The following CYP24A1 variants were observed in gnomAD, a reference collection of about 807,000 sequenced individuals.
The protein encoded by CYP24A1 is cytochrome P450 family 24 subfamily A member 1, also known as 1,25-dihydroxyvitamin D(3) 24-hydroxylase, mitochondrial.
In CYP24A1, 68 loss-of-function variants were observed where a neutral mutation model predicts 62.4. That is an observed-to-expected ratio of 1.09 (90% CI 0.90 to 1.33). The LOEUF is 1.33. Ranked by LOEUF, CYP24A1 falls within the 40% of genes most tolerant of loss-of-function variation. The probability of loss-of-function intolerance (pLI) is 0.00; values close to 1 mark genes in which losing one functional copy is unlikely to be tolerated. For synonymous variants in CYP24A1, 267 were observed against 253.0 expected (o/e 1.06, Z -0.52); for missense variants, 787 against 653.0 (o/e 1.21, Z -2.24).
chr20:54,155,906 C>T (rs1229520128), intron 11 of CYP24A1, among the ~76,000 whole-genome samples: 3 of 131,346 alleles, frequency 2.3e-5, no homozygotes, highest in African/African-American at 3.4e-5. Context: ...TGCTATTTGG[C>T]TTATGTTATT....
intron 6 of CYP24A1, among the ~76,000 whole-genome samples, chr20:54,163,614 G>A (rs1348298710): frequency 6.6e-6 from 1 of 152,186 alleles, no homozygotes; most frequent in Non-Finnish European, 1.5e-5. Flanking sequence ...CTAATAAAAG[G>A]ACCTACCTTA....
the CYP24A1 span, among the ~76,000 whole-genome samples, chr20:54,146,164 T>C: frequency 1.3e-5 from 2 of 152,230 alleles, no homozygotes; most frequent in Non-Finnish European, 2.9e-5. Flanking sequence ...ATGTAAGTTA[T>C]TCTTATTACA....
chr20:54,157,740 C>T (rs1364662865), intron 9 of CYP24A1, among the ~76,000 whole-genome samples, 155 bp from the exon 10 acceptor site: 1 of 152,088 alleles, frequency 6.6e-6, no homozygotes, highest in Non-Finnish European at 1.5e-5. Context: ...TTAAAATGTG[C>T]CAGGTAATAA....
At chr20:54,163,016 C>T (rs1371966517) in intron 6 of CYP24A1, among the ~76,000 whole-genome samples, 154 bp from the exon 7 acceptor site, 1 of 152,156 alleles carries the variant, frequency 6.6e-6, no homozygotes, top group Non-Finnish European at 1.5e-5. Flanking sequence ...TATATTATTG[C>T]CTTCTTGTCA....
rs145066957 is a variant in CYP24A1 at position 54,160,813 on chromosome 20, G to A, written c.991-1690C>T. 5.2e-4 allele frequency among the ~76,000 whole-genome samples: 79 copies of A among 152,312 alleles called. 1 individual carries two copies. The highest frequency in any genetic ancestry group is 1.0e-3 in the Non-Finnish European group (68 of 68,036). On this transcript the variant is annotated intron_variant, in intron 7 of 11. Transcript: ENST00000216862. ...TGACTGTAGCTTTTACCAAAGCCAC[G>A]TAAGGCAGTCTGAGCCTGTAGGGAA...
intron 11 of CYP24A1, among the ~76,000 whole-genome samples, chr20:54,156,890 T>C (rs1370731407): frequency 1.3e-5 from 2 of 152,074 alleles, no homozygotes; most frequent in Non-Finnish European, 2.9e-5. Context: ...GCAAAAACCA[T>C]GAACAGCTGC....
Position 54,157,430 on chromosome 20 carries a change from A to G in CYP24A1, c.1392T>C (p.Gly464=). Residue 464 remains glycine, a synonymous_variant, in exon 10 of 12, where the codon GGT becomes GGC. Coordinates refer to ENST00000216862, the MANE Select transcript of CYP24A1 (RefSeq NM_000782.5). ...GCAGTTGAAGCTCTGCTAATCGGCGACCAATGCACATTCTTTTTCCAACGC... is the reference window on the plus strand; with the variant it reads ...GCAGTTGAAGCTCTGCTAATCGGCGGCCAATGCACATTCTTTTTCCAACGC... ...PFGVGKRMCI[G]RRLAELQLHL... 1 of 1,606,968 alleles carries G rather than the reference A, an allele frequency of 6.2e-7. No individual in the cohort carries two copies. Among genetic ancestry groups the G allele is most frequent in the African/African-American group, 1.3e-5 (1 of 74,934 alleles).
chr20:54,162,585 A>AGGCACCGTGGT, intron 7 of CYP24A1, 132 bp downstream of exon 7: 1 of 514,402 alleles, frequency 1.9e-6, no homozygotes. Flanking sequence ...CTAGTATGAG[A>AGGCACCGTGGT]CTTTTCATTT....
downstream of CYP24A1, among the ~76,000 whole-genome samples, chr20:54,153,170 A>T (rs1432062441): frequency 6.6e-6 from 1 of 152,076 alleles, no homozygotes; most frequent in Non-Finnish European, 1.5e-5. Context: ...CCTTTCAATC[A>T]CACAACCAGT....
At position 54,173,921 on chromosome 20, in the gene CYP24A1, C is replaced by T. The variant is rs917493187; in HGVS notation, c.-342G>A. 2 of 384,922 alleles carry T rather than the reference C, an allele frequency of 5.2e-6. No homozygotes were observed. Among genetic ancestry groups the T allele is most frequent in the East Asian group, 4.9e-5 (1 of 20,370 alleles). The allele number at this position is 384,922 out of a possible 1,614,324, so 23.8% of individuals were successfully genotyped here. ...GACCTCTAGGGTCTGGCTGGAGCCA[C>T]GGGGAGGTGTCAAGGAGGGTAGATG... On this transcript the variant is annotated 5_prime_UTR_variant, in exon 1 of 12. In the 5' UTR this introduces an upstream ATG that the reference lacks. Coordinates refer to ENST00000216862, the MANE Select transcript of CYP24A1 (RefSeq NM_000782.5). The surrounding 1 kb of genome is among the most constrained non-coding windows in gnomAD (Gnocchi z 7.2).
At chr20:54,145,484 A>G in the CYP24A1 span, among the ~76,000 whole-genome samples, 1 of 152,118 alleles carries the variant, frequency 6.6e-6, no homozygotes, top group African/African-American at 2.4e-5. Context: ...TATTAAAAAT[A>G]CAAAAATTAG....
rs772145992 is a variant in CYP24A1 at position 54,171,713 on chromosome 20, AAAG to A, written c.450-46_450-44del. ...ATACATTTAGAGCACACTGAAAAGA[AAAG>A]AAGGAGATGCAGAAATACTCCAGCT... On this transcript the variant is annotated intron_variant, in intron 2 of 11. Coordinates refer to ENST00000216862, the MANE Select transcript of CYP24A1 (RefSeq NM_000782.5). The A allele has an allele frequency of 1.7e-5, 27 of 1,613,938 alleles. No homozygotes were observed. The South Asian group carries it at 1.9e-4, about 11-fold the overall frequency.
chr20:54,161,796 G>A (rs2762938), intron 7 of CYP24A1, among the ~76,000 whole-genome samples: 92,779 of 152,000 alleles, frequency 0.61, 28,654 homozygotes, highest in East Asian at 0.82. Flanking sequence ...TTGTGGAGCA[G>A]GAGGAGAAAT....
At chr20:54,150,726 GA>G (rs2092611297), downstream of CYP24A1, among the ~76,000 whole-genome samples, 3 of 152,214 alleles carry the variant, frequency 2.0e-5, no homozygotes, top group African/African-American at 7.2e-5. Flanking sequence ...TAACCTCTCT[GA>G]GCCTTAGCTA....
chr20:54,171,779 A>G (rs1490947003), intron 2 of CYP24A1, 109 bp from the exon 3 acceptor site: 1 of 1,595,818 alleles, frequency 6.3e-7, no homozygotes, highest in Non-Finnish European at 8.5e-7. Context: ...AAACACTGAG[A>G]ATCATGCCAA....
chr20:54,155,038 C>G (rs2092622572), intron 11 of CYP24A1: 1 of 143,628 alleles, frequency 7.0e-6, no homozygotes, highest in South Asian at 2.2e-4. Context: ...AAATTATTAG[C>G]CAAAGAAAAA....
chr20:54,167,231 C>A (rs765434494), intron 4 of CYP24A1, among the ~76,000 whole-genome samples: 1 of 152,208 alleles, frequency 6.6e-6, no homozygotes, highest in Non-Finnish European at 1.5e-5. Context: ...TTTCCAAACT[C>A]TACTTATTTC....
chr20:54,151,898 TG>T (rs61286341), downstream of CYP24A1, among the ~76,000 whole-genome samples: 49,221 of 151,968 alleles, frequency 0.32, 8,838 homozygotes, highest in East Asian at 0.59. Context: ...ATGGGAAGAA[TG>T]ATCACATCTA....
intron 11 of CYP24A1, 30 bp downstream of exon 11, chr20:54,157,139 C>T: frequency 9.5e-7 from 1 of 1,051,668 alleles, no homozygotes; most frequent in Non-Finnish European, 1.5e-6. Flanking sequence ...CACTACCTTG[C>T]AGAGGATAAT....
Sources: gnomAD v4.1 joint callset for allele counts (sites outside exome capture counted in the v4.1 genomes callset) on GRCh38, gnomAD v4.1.1 for gene constraint, Gnocchi (gnomAD v3.1) non-coding constraint, MANE v1.5 for transcripts, NCBI Gene and HGNC (gene_info 2026-07-23, HGNC 2026-07-21) for gene names.